UGT8: variants seen among roughly 807,000 people sequenced by gnomAD.
UGT8 encodes UDP glycosyltransferase 8, also known as 2-hydroxyacylsphingosine 1-beta-galactosyltransferase.
A neutral mutation model predicts 40.5 loss-of-function variants in UGT8; 12 were observed. That is an observed-to-expected ratio of 0.30 (90% confidence interval 0.19 to 0.48). The LOEUF (loss-of-function observed/expected upper bound fraction) is 0.48, where lower values mean the gene tolerates loss of function less well. UGT8 is among the 20% of genes least tolerant of loss of function. The probability of loss-of-function intolerance (pLI) is 0.99; values close to 1 mark genes in which losing one functional copy is unlikely to be tolerated. For synonymous variants in UGT8, 224 were observed against 240.4 expected, an observed-to-expected ratio of 0.93 and a Z score of 0.63; for missense variants, 513 against 648.7, an observed-to-expected ratio of 0.79 and a Z score of 2.27.
At chr4:114,665,375 ATTTGTTTGTTG>A (rs1734795119) in intron 3 of UGT8, 1 of 984,830 alleles carries the variant, frequency 1.0e-6, no homozygotes. Context: ...GTGTAGGTTT[ATTTGTTTGTTG>A]TTTGTTTGTT....
intron 3 of UGT8, among the ~76,000 whole-genome samples, chr4:114,664,591 G>A (rs879318777): frequency 6.6e-6 from 1 of 152,042 alleles, no homozygotes; most frequent in Non-Finnish European, 1.5e-5. Context: ...TTTACATTAT[G>A]TTTTTGATTT....
At chr4:114,634,219 G>T (rs1018424350) in intron 2 of UGT8, among the ~76,000 whole-genome samples, 1 of 152,186 alleles carries the variant, frequency 6.6e-6, no homozygotes, top group African/African-American at 2.4e-5. Context: ...GGATGAAGAA[G>T]TTCTTTAGGA....
intron 1 of UGT8, among the ~76,000 whole-genome samples, chr4:114,612,990 C>A (rs537889185): frequency 6.6e-6 from 1 of 152,094 alleles, no homozygotes; most frequent in African/African-American, 2.4e-5. Flanking sequence ...TTCTTAAACC[C>A]TTTTTTTCCC....
chr4:114,599,865 A>G (rs1464293315), intron 1 of UGT8, among the ~76,000 whole-genome samples: 2 of 152,108 alleles, frequency 1.3e-5, no homozygotes, highest in Non-Finnish European at 2.9e-5. Flanking sequence ...GCAAAAGGAC[A>G]ATCTGAGGAG....
In UGT8 at chr4:114,664,655, G is replaced by A. The variant is rs564647796; in HGVS notation, c.965+518G>A. 2.6e-5 allele frequency among the ~76,000 whole-genome samples: 4 copies of A among 152,204 alleles called. No homozygotes were observed. The South Asian group carries it at 6.2e-4, about 24-fold the overall frequency. On this transcript the variant is annotated intron_variant, in intron 3 of 5. Coordinates refer to ENST00000310836, the MANE Select transcript of UGT8 (RefSeq NM_001128174.3). Reference sequence around the variant, plus strand: ...AACACAATCACGTACCATTTAACACGGTTTAAGACAGAACCATAGATTGAC... The same window carrying A: ...AACACAATCACGTACCATTTAACACAGTTTAAGACAGAACCATAGATTGAC...
chr4:114,624,219 C>T lies in UGT8; in HGVS notation c.822+517C>T, dbSNP rs145418884. On this transcript the variant is annotated intron_variant, in intron 2 of 5. Coordinates refer to ENST00000310836, the MANE Select transcript of UGT8 (RefSeq NM_001128174.3). ...AAAGTAGGGAGTTGGTTAATTTAAGCTAGTAAGTAAATGTAATGGTTTTAA... is the reference window on the plus strand; with the variant it reads ...AAAGTAGGGAGTTGGTTAATTTAAGTTAGTAAGTAAATGTAATGGTTTTAA... Among the ~76,000 whole-genome samples, 421 of 152,226 alleles carry T rather than the reference C, an allele frequency of 2.8e-3. 18 individuals are homozygous for T. In the South Asian group the frequency reaches 0.076, roughly 27 times the overall value.
At chr4:114,618,058 A>C (rs1414904978) in intron 1 of UGT8, among the ~76,000 whole-genome samples, 1 of 151,882 alleles carries the variant, frequency 6.6e-6, no homozygotes, top group Non-Finnish European at 1.5e-5. Flanking sequence ...TATATATCAT[A>C]TACATAATTT....
At chr4:114,642,244 G>A (rs1373176038) in intron 2 of UGT8, among the ~76,000 whole-genome samples, 6 of 151,916 alleles carry the variant, frequency 3.9e-5, no homozygotes, top group Non-Finnish European at 8.8e-5. Context: ...ATATCTTTGA[G>A]ATAGTGGGAC....
At chr4:114,639,056 G>T (rs149668814) in intron 2 of UGT8, among the ~76,000 whole-genome samples, 222 of 152,306 alleles carry the variant, frequency 1.5e-3, no homozygotes, top group African/African-American at 5.2e-3. Flanking sequence ...GACTCCATTA[G>T]ATGCTGGAGA....
intron 2 of UGT8, among the ~76,000 whole-genome samples, chr4:114,654,962 A>G (rs1007835715): frequency 3.9e-5 from 6 of 152,046 alleles, no homozygotes; most frequent in African/African-American, 1.2e-4. Context: ...GTCTTTTGCA[A>G]TGGCTTTATA....
intron 2 of UGT8, among the ~76,000 whole-genome samples, chr4:114,639,403 G>A (rs996401812): frequency 2.0e-5 from 3 of 152,184 alleles, no homozygotes; most frequent in African/African-American, 7.2e-5. Context: ...ATTAAACCTA[G>A]GTGTAGTTGA....
intron 1 of UGT8, among the ~76,000 whole-genome samples, chr4:114,601,063 T>C (rs1730414390): frequency 6.6e-6 from 1 of 152,212 alleles, no homozygotes; most frequent in African/African-American, 2.4e-5. Flanking sequence ...TTCTGACTTT[T>C]TCCAGGTAAT....
At chr4:114,659,532 G>A (rs923725077) in intron 2 of UGT8, among the ~76,000 whole-genome samples, 1 of 152,068 alleles carries the variant, frequency 6.6e-6, no homozygotes, top group Non-Finnish European at 1.5e-5. Context: ...GAAGTAGTCC[G>A]GGATTGGGCA....
intron 1 of UGT8, among the ~76,000 whole-genome samples, chr4:114,599,881 C>G (rs1420429582): frequency 6.6e-6 from 1 of 152,044 alleles, no homozygotes; most frequent in African/African-American, 2.4e-5. Flanking sequence ...AGGAGGTGGG[C>G]GGGGTACCCA....
At chr4:114,643,711 A>G (rs1733370888) in intron 2 of UGT8, among the ~76,000 whole-genome samples, 2 of 152,168 alleles carry the variant, frequency 1.3e-5, no homozygotes, top group Admixed American at 1.3e-4. Flanking sequence ...GGAAAAACTA[A>G]GACACTAAGC....
At chr4:114,666,155 T>C (rs1369619797) in intron 4 of UGT8, among the ~76,000 whole-genome samples, 1 of 152,150 alleles carries the variant, frequency 6.6e-6, no homozygotes, top group Non-Finnish European at 1.5e-5. Flanking sequence ...TTGTTACAGA[T>C]GGTCTGAGAA....
chr4:114,611,618 A>G (rs1019895049), intron 1 of UGT8, among the ~76,000 whole-genome samples: 2 of 149,478 alleles, frequency 1.3e-5, no homozygotes, highest in African/African-American at 4.9e-5. Flanking sequence ...CTTGGAAGAC[A>G]TATATTGTAG....
At chr4:114,606,047 AATTCAG>A (rs2126084907) in intron 1 of UGT8, among the ~76,000 whole-genome samples, 1 of 152,224 alleles carries the variant, frequency 6.6e-6, no homozygotes, top group Admixed American at 6.5e-5. Context: ...CTGTTTTGCA[AATTCAG>A]AATTTTTAAT....
rs537216048 is a variant in UGT8 at position 114,606,417 on chromosome 4, C to G, written c.-3+7443C>G. 3.9e-5 allele frequency among the ~76,000 whole-genome samples: 6 copies of G among 152,232 alleles called. No individual in the cohort carries two copies. In the East Asian group the frequency reaches 1.2e-3, roughly 29 times the overall value. ...ACAGCAGGCCCTTCCTCTGGGTTCT[C>G]TTTATGAAGAAGGCCTTTGTGTTTT... On this transcript the variant is annotated intron_variant, in intron 1 of 5. Coordinates refer to ENST00000310836, the MANE Select transcript of UGT8 (RefSeq NM_001128174.3).
Sources: allele counts gnomAD v4.1 joint callset (sites outside exome capture counted in the v4.1 genomes callset), GRCh38; gene constraint gnomAD v4.1.1; transcripts MANE v1.5; gene names NCBI Gene and HGNC (gene_info 2026-07-23, HGNC 2026-07-21).